Variants in AFF2 observed in about 807,000 individuals in gnomAD.
AFF2 encodes the protein AF4/FMR2 family member 2.
A neutral mutation model predicts 76.9 loss-of-function variants in AFF2; 14 were observed. The observed-to-expected ratio is 0.18, with a 90% CI of 0.12 to 0.28. AFF2 has a LOEUF of 0.28. AFF2 is among the 10% of genes least tolerant of loss of function. The probability of loss-of-function intolerance (pLI) is 1.00; values close to 1 mark genes in which losing one functional copy is unlikely to be tolerated. For missense variants in AFF2, 868 were observed against 1,001.1 expected, an observed-to-expected ratio of 0.87 and a Z score of 1.79; for synonymous variants, 398 against 366.7, an observed-to-expected ratio of 1.09 and a Z score of -0.98.
intron 1 of AFF2, among the ~76,000 whole-genome samples, chrX:148,641,803 A>G (rs782757986): frequency 2.6e-4 from 29 of 111,894 alleles, no homozygotes; most frequent in Non-Finnish European, 4.1e-4. Flanking sequence ...TTACCTTCAC[A>G]TAGAGTTCTC....
At chrX:148,737,924 C>T (rs1041846958) in intron 3 of AFF2, among the ~76,000 whole-genome samples, 5 of 111,150 alleles carry the variant, frequency 4.5e-5, no homozygotes, top group Non-Finnish European at 9.4e-5. Context: ...TCACATTAGT[C>T]GATTTGCATA....
At chrX:148,935,083 C>T (rs112400830) in intron 9 of AFF2, among the ~76,000 whole-genome samples, 1,398 of 109,128 alleles carry the variant, frequency 0.013, 22 homozygotes, top group African/African-American at 0.044. Flanking sequence ...CATTTACTGG[C>T]TGTGATACCT....
chrX:148,752,584 G>A (rs1205226835), intron 3 of AFF2, among the ~76,000 whole-genome samples: 1 of 111,804 alleles, frequency 8.9e-6, no homozygotes, highest in African/African-American at 3.3e-5. Flanking sequence ...GCCACAGCAC[G>A]TCCCTGATTT....
intron 1 of AFF2, among the ~76,000 whole-genome samples, chrX:148,590,378 C>T (rs1455397860): frequency 3.6e-5 from 4 of 111,288 alleles, no homozygotes; most frequent in Non-Finnish European, 5.7e-5. Flanking sequence ...TCCTAGTGAG[C>T]GGGCACCTAC....
chrX:148,926,093 T>A (rs1235877609), intron 9 of AFF2, among the ~76,000 whole-genome samples: 1 of 111,932 alleles, frequency 8.9e-6, no homozygotes, highest in Non-Finnish European at 1.9e-5. Flanking sequence ...GTCTGCTGGA[T>A]GAGGGTCCTT....
At chrX:148,939,995 C>A (rs1372280521) in intron 9 of AFF2, among the ~76,000 whole-genome samples, 2 of 111,874 alleles carry the variant, frequency 1.8e-5, no homozygotes, top group East Asian at 2.8e-4. Context: ...TGGCATATAA[C>A]CTTTCTGGAA....
chrX:148,540,951 A>G (rs1557237435), intron 1 of AFF2, among the ~76,000 whole-genome samples: 1 of 112,011 alleles, frequency 8.9e-6, no homozygotes, highest in African/African-American at 3.2e-5. Context: ...CATAGCCAAG[A>G]CGCGAGAAAA....
intron 1 of AFF2, among the ~76,000 whole-genome samples, chrX:148,648,953 G>A (rs1476303864): frequency 8.9e-6 from 1 of 111,992 alleles, no homozygotes; most frequent in Non-Finnish European, 1.9e-5. Flanking sequence ...CATGCTGATT[G>A]ATAGGATCAA....
chrX:148,668,014 T>G (rs1269417422), intron 3 of AFF2, among the ~76,000 whole-genome samples: 1 of 112,947 alleles, frequency 8.9e-6, no homozygotes, highest in Admixed American at 9.3e-5. Context: ...GCAAGTTAGT[T>G]ACTTTCTGGA....
At chrX:148,856,361 A>G (rs1277947782) in intron 7 of AFF2, among the ~76,000 whole-genome samples, 2 of 112,264 alleles carry the variant, frequency 1.8e-5, no homozygotes, top group African/African-American at 3.2e-5. Flanking sequence ...TGTAGGCACT[A>G]CCGTTACCCA....
rs1395646289 is a variant in AFF2, at chrX:148,723,043, A to G, written c.1041+60275A>G. Among the ~76,000 whole-genome samples, 4 of 111,305 alleles carry G rather than the reference A, an allele frequency of 3.6e-5. No homozygotes were observed. The Admixed American group carries it at 3.8e-4, about 11-fold the overall frequency. ...TCAGTCCTCTACCTTGTCATATAGCACAGTGTACCACAGTCCCTAATTACC... is the reference window on the plus strand; with the variant it reads ...TCAGTCCTCTACCTTGTCATATAGCGCAGTGTACCACAGTCCCTAATTACC... On this transcript the variant is annotated intron_variant, in intron 3 of 20. Transcript: ENST00000370460.
intron 3 of AFF2, among the ~76,000 whole-genome samples, chrX:148,696,448 TAATAAATA>T (rs1202755753): frequency 1.4e-4 from 15 of 110,750 alleles, no homozygotes; most frequent in East Asian, 2.8e-4. Context: ...TAAAGTATAA[TAATAAATA>T]AATAAATAAA....
At chrX:148,573,477 C>T (rs2053252141) in intron 1 of AFF2, among the ~76,000 whole-genome samples, 1 of 111,228 alleles carries the variant, frequency 9.0e-6, no homozygotes, top group Admixed American at 9.6e-5. Context: ...TCGATACTAA[C>T]CTCTTGGTCT....
chrX:148,899,449 G>T (rs1201340909), intron 8 of AFF2, among the ~76,000 whole-genome samples: 1 of 111,349 alleles, frequency 9.0e-6, no homozygotes, highest in Non-Finnish European at 1.9e-5. Flanking sequence ...TGCTAGGTTA[G>T]GGTATAGCTG....
chrX:148,941,443 A>G (rs2071833083), intron 9 of AFF2, among the ~76,000 whole-genome samples: 1 of 112,013 alleles, frequency 8.9e-6, no homozygotes, highest in Admixed American at 9.5e-5. Context: ...TCAAAATGAC[A>G]TGATTAGAGT....
chrX:148,790,122 A>G (rs1374040801), intron 3 of AFF2, among the ~76,000 whole-genome samples: 9 of 112,183 alleles, frequency 8.0e-5, no homozygotes, highest in African/African-American at 2.9e-4. Context: ...CTGGTTGTCA[A>G]ATGGTTAGCT....
At chrX:148,958,530 T>C (rs2072070145) in intron 12 of AFF2, 72 bp downstream of exon 12, 2 of 1,130,479 alleles carry the variant, frequency 1.8e-6, no homozygotes, top group Non-Finnish European at 2.4e-6. Flanking sequence ...TAATTGAACC[T>C]GTTTGGGGGA....
chrX:148,723,023 C>T (rs1025475522), intron 3 of AFF2, among the ~76,000 whole-genome samples: 7 of 111,343 alleles, frequency 6.3e-5, no homozygotes, highest in African/African-American at 2.3e-4. Context: ...TGTGGTCAGT[C>T]CTCTACCTTG....
At chrX:148,821,977 A>G (rs2070333497) in intron 4 of AFF2, among the ~76,000 whole-genome samples, 1 of 112,076 alleles carries the variant, frequency 8.9e-6, no homozygotes, top group Admixed American at 9.5e-5. Context: ...TCATAGTGTT[A>G]TTTCCACCCA....
Sources: allele counts gnomAD v4.1 joint callset (sites outside exome capture counted in the v4.1 genomes callset), GRCh38; gene constraint gnomAD v4.1.1; transcripts MANE v1.5; gene names NCBI Gene and HGNC (gene_info 2026-07-23, HGNC 2026-07-21).